CNBD1: variants seen among roughly 807,000 people sequenced by gnomAD.
The protein encoded by CNBD1 is cyclic nucleotide-binding domain-containing protein 1.
CNBD1 carries 71 observed loss-of-function variants against 54.4 expected under a neutral mutation model. The observed-to-expected ratio is 1.30, with a 90% CI of 1.08 to 1.59. The LOEUF (loss-of-function observed/expected upper bound fraction) is 1.59, where lower values mean the gene tolerates loss of function less well. CNBD1 is among the 40% of genes most tolerant of loss of function. The pLI is 0.00. For missense variants in CNBD1, 659 were observed against 518.0 expected, an observed-to-expected ratio of 1.27 and a Z score of -2.64; for synonymous variants, 182 against 170.7, an observed-to-expected ratio of 1.07 and a Z score of -0.51.
intron 1 of CNBD1, among the ~76,000 whole-genome samples, chr8:86,886,257 A>G (rs1331562097): frequency 6.6e-6 from 1 of 152,180 alleles, no homozygotes; most frequent in Non-Finnish European, 1.5e-5. Context: ...AAATATTACT[A>G]GACTAAAAGG....
chr8:87,181,322 G>C (rs931724504), intron 4 of CNBD1, among the ~76,000 whole-genome samples: 3 of 152,136 alleles, frequency 2.0e-5, no homozygotes, highest in African/African-American at 7.2e-5. Context: ...AGTTACAATT[G>C]AGATAGTATA....
At chr8:87,188,813 A>G (rs1326947633) in intron 4 of CNBD1, among the ~76,000 whole-genome samples, 2 of 130,330 alleles carry the variant, frequency 1.5e-5, no homozygotes, top group Non-Finnish European at 3.3e-5. Flanking sequence ...AACAGACAGT[A>G]AAGCGTCTTT....
At chr8:87,341,632 G>A (rs1293335080) in intron 8 of CNBD1, among the ~76,000 whole-genome samples, 2 of 152,160 alleles carry the variant, frequency 1.3e-5, no homozygotes, top group Non-Finnish European at 2.9e-5. Flanking sequence ...TCTTTGATGG[G>A]ATTGGTGCAA....
At chr8:86,916,937 C>T (rs1249559277) in intron 3 of CNBD1, among the ~76,000 whole-genome samples, 1 of 150,078 alleles carries the variant, frequency 6.7e-6, no homozygotes, top group East Asian at 2.0e-4. Flanking sequence ...GTGGCACAAT[C>T]TTGGCTCACT....
chr8:87,419,207 A>T (rs1015058008), intron 2 of CNBD1, among the ~76,000 whole-genome samples: 8 of 151,980 alleles, frequency 5.3e-5, no homozygotes, highest in Admixed American at 2.0e-4. Context: ...ATATTGTACG[A>T]CTGCATTTGT....
At chr8:86,870,936 A>G (rs1586100917) in intron 1 of CNBD1, among the ~76,000 whole-genome samples, 1 of 152,358 alleles carries the variant, frequency 6.6e-6, no homozygotes, top group African/African-American at 2.4e-5. Flanking sequence ...GGAATGTGCC[A>G]TCATAAAATT....
intron 2 of CNBD1, among the ~76,000 whole-genome samples, chr8:87,393,655 G>A (rs1224270904): frequency 1.3e-5 from 2 of 151,846 alleles, no homozygotes; most frequent in Non-Finnish European, 2.9e-5. Flanking sequence ...AGAGATGAAT[G>A]TAGTATGTGC....
chr8:87,356,362 A>T (rs146674408), intron 10 of CNBD1, among the ~76,000 whole-genome samples: 1 of 152,294 alleles, frequency 6.6e-6, no homozygotes, highest in East Asian at 1.9e-4. Context: ...ATACTGATAG[A>T]AGTATGGATA....
intron 8 of CNBD1, among the ~76,000 whole-genome samples, chr8:87,297,073 G>A (rs1808890561): frequency 6.7e-6 from 1 of 149,960 alleles, no homozygotes; most frequent in South Asian, 2.1e-4. Context: ...AGCTACTCCG[G>A]AGGCTGAGGC....
At chr8:87,187,763 G>A (rs1019678952) in intron 4 of CNBD1, among the ~76,000 whole-genome samples, 1 of 152,124 alleles carries the variant, frequency 6.6e-6, no homozygotes, top group African/African-American at 2.4e-5. Context: ...ATCTGGAGTT[G>A]CTAATTACAT....
Position 86,898,344 on chromosome 8 carries a change from A to G in CNBD1, c.159-6737A>G, listed in dbSNP as rs191793986. Among the ~76,000 whole-genome samples the G allele has an allele frequency of 8.5e-4, 114 of 133,532 alleles. 2 individuals are homozygous for G. In the East Asian group the frequency reaches 0.025, roughly 29 times the overall value. The allele number at this position is 133,532 out of a possible 152,430, so 87.6% of individuals were successfully genotyped here. On this transcript the variant is annotated intron_variant, in intron 2 of 10. Coordinates refer to ENST00000518476, the MANE Select transcript of CNBD1 (RefSeq NM_173538.3). ...TTCAAAGTAACTTACATTGTTTTCA[A>G]TTTTACAAGAGATTTTTCTCTTGCT...
intron 4 of CNBD1, among the ~76,000 whole-genome samples, chr8:87,061,063 T>C (rs1232460399): frequency 6.6e-6 from 1 of 152,222 alleles, no homozygotes; most frequent in East Asian, 1.9e-4. Context: ...ATTCTTTTAA[T>C]ATAAAATTCC....
chr8:87,390,604 A>T (rs1811288123), intron 2 of CNBD1, among the ~76,000 whole-genome samples: 1 of 152,136 alleles, frequency 6.6e-6, no homozygotes, highest in Admixed American at 6.5e-5. Context: ...GGTGCTGGAG[A>T]GGATGTGGAG....
At chr8:87,392,826 T>C (rs1264157188) in intron 2 of CNBD1, among the ~76,000 whole-genome samples, 1 of 151,928 alleles carries the variant, frequency 6.6e-6, no homozygotes, top group Non-Finnish European at 1.5e-5. Flanking sequence ...TATATCCCAA[T>C]AAAGCAGTTA....
chr8:87,306,282 C>G (rs1388731643), intron 8 of CNBD1, among the ~76,000 whole-genome samples: 1 of 152,110 alleles, frequency 6.6e-6, no homozygotes, highest in African/African-American at 2.4e-5. Flanking sequence ...GCAGGGAACA[C>G]TTTTATACTG....
chr8:86,979,402 C>CAAAAAAAA lies in CNBD1; in HGVS notation c.431+39667_431+39674dup, dbSNP rs776634552. On this transcript the variant is annotated intron_variant, in intron 4 of 10. Coordinates refer to ENST00000518476, the MANE Select transcript of CNBD1 (RefSeq NM_173538.3). ...GCAACATGGAGAAAAATCATCTCTA[C>CAAAAAAAA]AAAAAAAAAAAAAAAAAAAAAAAAA... Among the ~76,000 whole-genome samples, 25 of 10,384 alleles carry CAAAAAAAA rather than the reference C, an allele frequency of 2.4e-3. 1 individual carries two copies. The highest frequency in any genetic ancestry group is 9.3e-3 in the East Asian group (1 of 108). The allele number at this position is 10,384 out of a possible 152,430, so 6.8% of individuals were successfully genotyped here.
intron 9 of CNBD1, 81 bp from the exon 10 acceptor site, chr8:87,353,555 A>G (rs1434544842): frequency 1.1e-6 from 1 of 880,940 alleles, no homozygotes; most frequent in Non-Finnish European, 1.8e-6. Flanking sequence ...ATGGTTTATG[A>G]GTGAGTTTCT....
intron 4 of CNBD1, among the ~76,000 whole-genome samples, chr8:86,976,982 A>G (rs1808357550): frequency 6.6e-6 from 1 of 152,006 alleles, no homozygotes; most frequent in Non-Finnish European, 1.5e-5. Context: ...AAACAATTTT[A>G]CTTTTTCCTT....
intron 8 of CNBD1, 120 bp from the exon 9 acceptor site, chr8:87,351,565 A>T (rs1810292906): frequency 4.3e-6 from 4 of 935,134 alleles, no homozygotes; most frequent in Non-Finnish European, 5.9e-6. Flanking sequence ...ACTGGAATCT[A>T]TTAAGAAACT....
Sources: gnomAD v4.1 joint callset for allele counts (sites outside exome capture counted in the v4.1 genomes callset) on GRCh38, gnomAD v4.1.1 for gene constraint, MANE v1.5 for transcripts, NCBI Gene and HGNC (gene_info 2026-07-23, HGNC 2026-07-21) for gene names.